Variants in ADAMTS3 observed in about 807,000 individuals in gnomAD.
ADAMTS3 encodes A disintegrin and metalloproteinase with thrombospondin motifs 3.
In ADAMTS3, 73 loss-of-function variants were observed where a neutral mutation model predicts 129.0. The ratio of observed to expected loss-of-function variants is 0.57; its 90% CI spans 0.47 to 0.69. ADAMTS3 has a LOEUF of 0.69. Among genes scored for constraint, ADAMTS3 ranks in the 30% least tolerant of loss-of-function variants. The pLI, the probability that ADAMTS3 is intolerant of heterozygous loss-of-function variation, is 0.00. For synonymous variants in ADAMTS3, 477 were observed against 510.8 expected, an observed-to-expected ratio of 0.93 and a Z score of 0.89; for missense variants, 1,457 against 1,514.5, an observed-to-expected ratio of 0.96 and a Z score of 0.63.
chr4:72,521,852 A>G (rs954612025), intron 3 of ADAMTS3, among the ~76,000 whole-genome samples: 4 of 152,242 alleles, frequency 2.6e-5, no homozygotes, highest in African/African-American at 9.6e-5. Context: ...GCTTTCAGTA[A>G]GCAAATAAAA....
At chr4:72,404,479 C>T (rs1006087925) in intron 4 of ADAMTS3, among the ~76,000 whole-genome samples, 11 of 152,094 alleles carry the variant, frequency 7.2e-5, no homozygotes, top group Admixed American at 6.6e-4. Context: ...ATTGAACCCT[C>T]ATCTTACACC....
intron 3 of ADAMTS3, among the ~76,000 whole-genome samples, chr4:72,520,626 G>T (rs1720640958): frequency 6.6e-6 from 1 of 152,174 alleles, no homozygotes; most frequent in African/African-American, 2.4e-5. Flanking sequence ...AGACTCCGTG[G>T]GCGTAGGACC....
At chr4:72,550,271 A>T (rs964683430) in intron 2 of ADAMTS3, among the ~76,000 whole-genome samples, 3 of 152,000 alleles carry the variant, frequency 2.0e-5, no homozygotes, top group African/African-American at 7.2e-5. Context: ...TTTGTCATCC[A>T]ATAATGTATT....
At chr4:72,365,913 A>G (rs1194828814) in intron 4 of ADAMTS3, among the ~76,000 whole-genome samples, 2 of 152,188 alleles carry the variant, frequency 1.3e-5, no homozygotes, top group Non-Finnish European at 2.9e-5. Flanking sequence ...TGGTTCGAAA[A>G]CATGCAAAGT....
intron 4 of ADAMTS3, among the ~76,000 whole-genome samples, chr4:72,412,616 A>C (rs1722209871): frequency 6.6e-6 from 1 of 152,046 alleles, no homozygotes; most frequent in Admixed American, 6.6e-5. Flanking sequence ...CCCACAACTT[A>C]ATTCAATCAG....
At chr4:72,481,573 A>C (rs914282451) in intron 3 of ADAMTS3, among the ~76,000 whole-genome samples, 2 of 152,170 alleles carry the variant, frequency 1.3e-5, no homozygotes, top group Non-Finnish European at 2.9e-5. Context: ...TTTAAATGTA[A>C]GTCATAAAAT....
rs192400362 is a variant in ADAMTS3 at position 72,388,729 on chromosome 4, G to C, written c.661+26086C>G. ...CTCCAAGACCACCCATAGATTTGAT[G>C]ACTCCTTAGGAGGATTCACAGGACT... On this transcript the variant is annotated intron_variant, in intron 4 of 21. Coordinates refer to ENST00000286657, the MANE Select transcript of ADAMTS3 (RefSeq NM_014243.3). 2.6e-5 allele frequency among the ~76,000 whole-genome samples: 4 copies of C among 152,290 alleles called. No homozygotes were observed. The East Asian group carries it at 7.7e-4, about 29-fold the overall frequency.
intron 3 of ADAMTS3, among the ~76,000 whole-genome samples, chr4:72,417,688 T>G (rs10001463): frequency 0.67 from 102,158 of 151,438 alleles, 34,975 homozygotes; most frequent in South Asian, 0.8. Flanking sequence ...CCCAGCATTT[T>G]GGGACGCCGA....
At chr4:72,290,731 T>C in intron 20 of ADAMTS3, 124 bp downstream of exon 20, 1 of 1,040,504 alleles carries the variant, frequency 9.6e-7, no homozygotes, top group Non-Finnish European at 1.4e-6. Context: ...CTCCAGGTAA[T>C]TACAAAATAT....
At chr4:72,531,093 G>A (rs1721030338) in intron 3 of ADAMTS3, among the ~76,000 whole-genome samples, 1 of 151,690 alleles carries the variant, frequency 6.6e-6, no homozygotes, top group African/African-American at 2.4e-5. Flanking sequence ...CACCAGTCAG[G>A]AGGTCATTGT....
At chr4:72,487,894 G>A (rs756936958) in intron 3 of ADAMTS3, among the ~76,000 whole-genome samples, 2 of 151,906 alleles carry the variant, frequency 1.3e-5, no homozygotes, top group African/African-American at 2.4e-5. Context: ...GCATTTATAA[G>A]GCTTGACTTA....
intron 3 of ADAMTS3, among the ~76,000 whole-genome samples, chr4:72,455,159 C>A (rs1718509687): frequency 6.6e-6 from 1 of 151,520 alleles, no homozygotes; most frequent in East Asian, 2.0e-4. Flanking sequence ...ATTCTCTCTA[C>A]AAAAATGATA....
intron 3 of ADAMTS3, among the ~76,000 whole-genome samples, chr4:72,529,251 T>C (rs181598701): frequency 4.2e-4 from 64 of 152,206 alleles, no homozygotes; most frequent in Non-Finnish European, 7.6e-4. Context: ...GGAAATGACA[T>C]CAGGGAAGTA....
At position 72,283,581 on chromosome 4, in the gene ADAMTS3, G is replaced by A; in HGVS notation, c.3173C>T (p.Pro1058Leu). Reference protein sequence around the residue: ...ESCSKRSSTLPPPYLLEAAET... With the variant: ...ESCSKRSSTLLPPYLLEAAET... Reference sequence around the variant, plus strand: ...AGCAGCTTCTAGAAGGTATGGTGGTGGCAGGGTGCTACTGCGCTTGCTGCA... The same window carrying A: ...AGCAGCTTCTAGAAGGTATGGTGGTAGCAGGGTGCTACTGCGCTTGCTGCA... The change falls in exon 22 of 22, where the codon CCA (proline) becomes CTA (leucine). Residue 1058 changes from proline to leucine, a missense_variant. By Grantham distance (98) the Pro-to-Leu change is moderately conservative (BLOSUM62 -3). Coordinates refer to ENST00000286657, the MANE Select transcript of ADAMTS3 (RefSeq NM_014243.3). The A allele has an allele frequency of 6.2e-7, 1 of 1,614,004 alleles. No homozygotes were observed. The highest frequency in any genetic ancestry group is 8.5e-7 in the Non-Finnish European group (1 of 1,179,954).
intron 5 of ADAMTS3, among the ~76,000 whole-genome samples, chr4:72,333,369 C>A (rs79642031): frequency 0.037 from 5,632 of 152,088 alleles, 346 homozygotes; most frequent in African/African-American, 0.13. Context: ...GCTAAAAAAA[C>A]GTATAAATTA....
intron 4 of ADAMTS3, among the ~76,000 whole-genome samples, chr4:72,388,828 G>A (rs1721511640): frequency 1.3e-5 from 2 of 152,166 alleles, no homozygotes; most frequent in South Asian, 2.1e-4. Flanking sequence ...AAAGGGAAAA[G>A]TCACACAGGG....
chr4:72,414,927 G>A lies in ADAMTS3; in HGVS notation c.549C>T (p.Pro183=), dbSNP rs372641541. The part of the protein sequence containing the change: ...KSDNEEYFIE[P]LERGKQMEEE... ...CCTCCATCTGTTTACCTCTTTCCAA[G>A]GGTTCAATGAAATACTCTTCATTAT... Residue 183 remains proline (P), a synonymous_variant, in exon 4 of 22, where the codon CCC becomes CCT. Coordinates refer to ENST00000286657, the MANE Select transcript of ADAMTS3 (RefSeq NM_014243.3). The A allele has an allele frequency of 1.5e-5, 23 of 1,576,808 alleles. No individual in the cohort carries two copies. Among genetic ancestry groups the A allele is most frequent in the Non-Finnish European group, 2.0e-5 (23 of 1,163,940 alleles).
intron 3 of ADAMTS3, among the ~76,000 whole-genome samples, chr4:72,462,853 CAGTA>C (rs748550014): frequency 7.9e-5 from 12 of 151,346 alleles, no homozygotes; most frequent in Non-Finnish European, 1.8e-4. Flanking sequence ...AAAAAAGTGA[CAGTA>C]AGCTCAAGTT....
intron 3 of ADAMTS3, among the ~76,000 whole-genome samples, chr4:72,544,275 CT>C (rs894027368): frequency 7.2e-5 from 11 of 152,170 alleles, no homozygotes; most frequent in Admixed American, 4.6e-4. Flanking sequence ...TTTTCAACCC[CT>C]TTTTTTCTTT....
Sources: allele counts gnomAD v4.1 joint callset (sites outside exome capture counted in the v4.1 genomes callset), GRCh38; gene constraint gnomAD v4.1.1; transcripts MANE v1.5; gene names NCBI Gene and HGNC (gene_info 2026-07-23, HGNC 2026-07-21).